SORCS2: variants seen among roughly 807,000 people sequenced by gnomAD.
The protein encoded by SORCS2 is VPS10 domain-containing receptor SorCS2.
In SORCS2, 100 loss-of-function variants were observed where a neutral mutation model predicts 141.6. That is an observed-to-expected ratio of 0.71 (90% CI 0.60 to 0.83). The LOEUF is 0.83. Among genes scored for constraint, SORCS2 ranks in the 40% least tolerant of loss-of-function variants. SORCS2 has a pLI of 0.00. For synonymous variants in SORCS2, 789 were observed against 676.9 expected (o/e 1.17, Z -2.57); for missense variants, 1,646 against 1,560.2 (o/e 1.05, Z -0.93).
rs757923154 is a variant in SORCS2, at chr4:7,440,205, C to T, written c.548+43850C>T. On this transcript the variant is annotated intron_variant, in intron 2 of 26. Coordinates refer to ENST00000507866, the MANE Select transcript of SORCS2 (RefSeq NM_020777.3). ...GCCTGGCCACAATGGAATTAGGGAG[C>T]GGGGGAGGAGGCTGCGTTGCAGGTA... Among the ~76,000 whole-genome samples the T allele has an allele frequency of 1.1e-3, 171 of 152,258 alleles. 1 individual carries two copies. Among genetic ancestry groups the T allele is most frequent in the Non-Finnish European group, 8.8e-4 (60 of 68,028 alleles).
intron 1 of SORCS2, among the ~76,000 whole-genome samples, chr4:7,319,583 G>A (rs1039868188): frequency 6.6e-6 from 1 of 152,000 alleles, no homozygotes; most frequent in African/African-American, 2.4e-5. Flanking sequence ...GCATAGTGGT[G>A]CATGCTTGTG....
intron 2 of SORCS2, among the ~76,000 whole-genome samples, chr4:7,424,306 C>T (rs1351982815): frequency 6.6e-6 from 1 of 152,226 alleles, no homozygotes; most frequent in African/African-American, 2.4e-5. Context: ...TTCAGGAAAC[C>T]CCACGATGGC....
chr4:7,642,161 A>G (rs1720793252), intron 4 of SORCS2, among the ~76,000 whole-genome samples: 1 of 152,220 alleles, frequency 6.6e-6, no homozygotes, highest in African/African-American at 2.4e-5. Flanking sequence ...ATGGCTCTCG[A>G]CAGGACCTGG....
At chr4:7,326,473 C>A (rs1719267420) in intron 1 of SORCS2, among the ~76,000 whole-genome samples, 2 of 152,118 alleles carry the variant, frequency 1.3e-5, no homozygotes, top group Admixed American at 1.3e-4. Flanking sequence ...TTCCCCTCCC[C>A]AAGCCTAAGC....
intron 2 of SORCS2, among the ~76,000 whole-genome samples, chr4:7,414,260 C>T (rs1343915805): frequency 6.6e-6 from 1 of 152,220 alleles, no homozygotes; most frequent in East Asian, 1.9e-4. Flanking sequence ...CACAGTTGCA[C>T]ATGGCAAGAC....
At chr4:7,281,113 A>G (rs771259758) in intron 1 of SORCS2, among the ~76,000 whole-genome samples, 2 of 152,168 alleles carry the variant, frequency 1.3e-5, no homozygotes, top group Non-Finnish European at 2.9e-5. Context: ...AAGGAGAGCT[A>G]TGATAAAACC....
chr4:7,648,360 A>T lies in SORCS2; in HGVS notation c.814-5774A>T, dbSNP rs1468618032. On this transcript the variant is annotated intron_variant, in intron 4 of 26. Coordinates refer to ENST00000507866, the MANE Select transcript of SORCS2 (RefSeq NM_020777.3). The surrounding 1 kb of genome is among the most constrained non-coding windows in gnomAD (Gnocchi z 4.2). The stretch of plus-strand genomic sequence containing the variant: ...GTCATCAGGGCAGAAATGGGGACTG[A>T]GTCACTTCCTGGCAGGAGAGGATCC... 6.6e-6 allele frequency among the ~76,000 whole-genome samples: 1 copy of T among 152,060 alleles called. No homozygotes were observed. The highest frequency in any genetic ancestry group is 1.9e-4 in the East Asian group (1 of 5,192).
At chr4:7,709,690 G>A (rs1051012807) in intron 14 of SORCS2, among the ~76,000 whole-genome samples, 2 of 152,104 alleles carry the variant, frequency 1.3e-5, no homozygotes, top group Admixed American at 6.6e-5. Flanking sequence ...CTCAGCTTTC[G>A]GCCACTCTGT....
At chr4:7,306,070 C>T (rs1390220241) in intron 1 of SORCS2, among the ~76,000 whole-genome samples, 9 of 152,216 alleles carry the variant, frequency 5.9e-5, no homozygotes, top group African/African-American at 2.2e-4. Context: ...TTGCTGTGAG[C>T]TGGGGAGAGG....
At chr4:7,411,568 T>C (rs1395126052) in intron 2 of SORCS2, among the ~76,000 whole-genome samples, 1 of 152,078 alleles carries the variant, frequency 6.6e-6, no homozygotes. Context: ...CACCCATCCA[T>C]TTCTTCATTC....
chr4:7,329,966 T>G (rs1422952195), intron 1 of SORCS2, among the ~76,000 whole-genome samples: 1 of 152,134 alleles, frequency 6.6e-6, no homozygotes, highest in East Asian at 1.9e-4. Context: ...GTCAGAAGTC[T>G]GAGATGAGTC....
chr4:7,733,591 C>T (rs1360831911), intron 24 of SORCS2, among the ~76,000 whole-genome samples, 170 bp downstream of exon 24: 1 of 152,210 alleles, frequency 6.6e-6, no homozygotes, highest in Non-Finnish European at 1.5e-5. Flanking sequence ...ACCGCGCTCT[C>T]CCTCTGCGGA....
At chr4:7,409,445 T>C (rs1725168624) in intron 2 of SORCS2, among the ~76,000 whole-genome samples, 1 of 152,204 alleles carries the variant, frequency 6.6e-6, no homozygotes, top group Non-Finnish European at 1.5e-5. Context: ...TGGAGTCCCC[T>C]TTGGCCAAAT....
Position 7,225,695 on chromosome 4 carries a change from C to T in SORCS2, c.480+32569C>T, listed in dbSNP as rs114025281. 9.1e-3 allele frequency among the ~76,000 whole-genome samples: 1,382 copies of T among 152,194 alleles called. 22 individuals carry two copies. The highest frequency in any genetic ancestry group is 0.031 in the African/African-American group (1,293 of 41,518). On this transcript the variant is annotated intron_variant, in intron 1 of 26. Transcript: ENST00000507866. Reference sequence around the variant, plus strand: ...CGGGGGCTGCATGGATGTCTCTATCCGCACCCTGTGAGCTGGCCCACCAGG... The same window carrying T: ...CGGGGGCTGCATGGATGTCTCTATCTGCACCCTGTGAGCTGGCCCACCAGG...
chr4:7,683,271 C>A (rs4689823), intron 10 of SORCS2, among the ~76,000 whole-genome samples: 47,448 of 96,174 alleles, frequency 0.49, 8,501 homozygotes, highest in East Asian at 0.53. Flanking sequence ...CTTGGCTGGG[C>A]TCAGCTGAGC....
intron 1 of SORCS2, among the ~76,000 whole-genome samples, chr4:7,304,112 C>T (rs991882043): frequency 2.6e-5 from 4 of 152,266 alleles, no homozygotes; most frequent in African/African-American, 9.6e-5. Context: ...CTATATGTGC[C>T]AGGCATGTGT....
At chr4:7,337,222 G>C (rs1196933699) in intron 1 of SORCS2, among the ~76,000 whole-genome samples, 1 of 152,146 alleles carries the variant, frequency 6.6e-6, no homozygotes, top group African/African-American at 2.4e-5. Context: ...TACTCATGAC[G>C]ATTAGTCAAA....
chr4:7,660,380 C>A (rs548992614), intron 5 of SORCS2, among the ~76,000 whole-genome samples: 74 of 152,176 alleles, frequency 4.9e-4, no homozygotes, highest in Non-Finnish European at 9.7e-4. Flanking sequence ...GTCCCCAAGG[C>A]CCGCAGCGGG....
At chr4:7,559,680 C>T (rs1457440002) in intron 3 of SORCS2, among the ~76,000 whole-genome samples, 1 of 152,198 alleles carries the variant, frequency 6.6e-6, no homozygotes, top group South Asian at 2.1e-4. Flanking sequence ...CACCTGCCCA[C>T]TGTGCCATCT....
Sources: gnomAD v4.1 joint callset for allele counts (sites outside exome capture counted in the v4.1 genomes callset) on GRCh38, gnomAD v4.1.1 for gene constraint, Gnocchi (gnomAD v3.1) non-coding constraint, MANE v1.5 for transcripts, NCBI Gene and HGNC (gene_info 2026-07-23, HGNC 2026-07-21) for gene names.